The following CNTN3 variants were observed in gnomAD, a reference collection of about 807,000 sequenced individuals.
CNTN3 encodes contactin-3.
A neutral mutation model predicts 119.1 loss-of-function variants in CNTN3; 60 were observed. The observed-to-expected ratio is 0.50, with a 90% CI of 0.41 to 0.62. The LOEUF is 0.62. Among genes scored for constraint, CNTN3 ranks in the 20% least tolerant of loss-of-function variants. CNTN3 has a pLI of 0.00. For synonymous variants in CNTN3, 450 were observed against 438.7 expected (o/e 1.03, Z -0.32); for missense variants, 1,101 against 1,242.4 (o/e 0.89, Z 1.71).
intron 5 of CNTN3, among the ~76,000 whole-genome samples, chr3:74,409,240 C>T (rs977986623): frequency 5.3e-5 from 8 of 152,160 alleles, no homozygotes; most frequent in African/African-American, 1.9e-4. Context: ...CAATCATGAA[C>T]AGCCAAGCAC....
chr3:74,594,505 C>T (rs1247245011), intron 1 of CNTN3, among the ~76,000 whole-genome samples: 2 of 151,494 alleles, frequency 1.3e-5, no homozygotes, highest in Non-Finnish European at 2.9e-5. Context: ...CATATGTTCT[C>T]ATTGTTCAAT....
intron 6 of CNTN3, among the ~76,000 whole-genome samples, chr3:74,370,984 C>T (rs1412766149): frequency 6.6e-6 from 1 of 152,036 alleles, no homozygotes; most frequent in African/African-American, 2.4e-5. Flanking sequence ...GCACTGGTCC[C>T]TGCAAATTAT....
intron 5 of CNTN3, among the ~76,000 whole-genome samples, chr3:74,386,792 T>C (rs556193677): frequency 9.2e-5 from 14 of 152,310 alleles, no homozygotes; most frequent in African/African-American, 2.6e-4. Flanking sequence ...GCATAACAAA[T>C]GATGAGTGTT....
intron 17 of CNTN3, 50 bp from the exon 18 acceptor site, chr3:74,298,241 A>G (rs778275789): frequency 8.7e-7 from 1 of 1,146,146 alleles, no homozygotes; most frequent in Non-Finnish European, 1.2e-6. Flanking sequence ...GGGCAAGGCA[A>G]AAATGAATGC....
chr3:74,591,151 T>C (rs1032364239), intron 1 of CNTN3, among the ~76,000 whole-genome samples: 1 of 151,992 alleles, frequency 6.6e-6, no homozygotes, highest in Non-Finnish European at 1.5e-5. Flanking sequence ...CCCGTATTTC[T>C]ACTTTTATTA....
At chr3:74,439,131 T>C (rs1399978405) in intron 4 of CNTN3, among the ~76,000 whole-genome samples, 4 of 152,196 alleles carry the variant, frequency 2.6e-5, no homozygotes, top group Non-Finnish European at 5.9e-5. Flanking sequence ...TCAAAGATTA[T>C]TTTATGAACT....
chr3:74,556,388 A>G (rs1704069469), intron 1 of CNTN3, among the ~76,000 whole-genome samples: 1 of 152,178 alleles, frequency 6.6e-6, no homozygotes, highest in African/African-American at 2.4e-5. Context: ...TTTCATATAA[A>G]TGGAATCATA....
intron 2 of CNTN3, among the ~76,000 whole-genome samples, chr3:74,500,842 A>G (rs899384955): frequency 4.6e-5 from 7 of 152,234 alleles, no homozygotes; most frequent in African/African-American, 1.7e-4. Flanking sequence ...TGCATGCCCA[A>G]ATGTGTTCAT....
At chr3:74,520,468 T>C (rs1282969975) in intron 2 of CNTN3, among the ~76,000 whole-genome samples, 1 of 151,388 alleles carries the variant, frequency 6.6e-6, no homozygotes, top group East Asian at 1.9e-4. Context: ...TACTTATTTC[T>C]CCAGAAAATA....
rs528602851 is a variant in CNTN3 at position 74,594,902 on chromosome 3, C to T, written c.-81+19489G>A. On this transcript the variant is annotated intron_variant, in intron 1 of 22. Transcript: ENST00000263665. Reference sequence around the variant, plus strand: ...CTTCCACAATGGTTGAACTAGTTTACAGTCCCACCAACAGTGTCAAAGTGT... The same window carrying T: ...CTTCCACAATGGTTGAACTAGTTTATAGTCCCACCAACAGTGTCAAAGTGT... Among the ~76,000 whole-genome samples the T allele has an allele frequency of 7.2e-3, 1,098 of 152,106 alleles. 8 individuals carry two copies. The highest frequency in any genetic ancestry group is 8.9e-3 in the Non-Finnish European group (602 of 67,972).
chr3:74,395,585 T>A (rs1466315853), intron 5 of CNTN3, among the ~76,000 whole-genome samples: 1 of 152,230 alleles, frequency 6.6e-6, no homozygotes, highest in Non-Finnish European at 1.5e-5. Flanking sequence ...GTTATTTTAT[T>A]GCCCTGAGCC....
intron 1 of CNTN3, among the ~76,000 whole-genome samples, chr3:74,582,439 A>G (rs1359268483): frequency 1.3e-5 from 2 of 152,116 alleles, no homozygotes; most frequent in African/African-American, 4.8e-5. Context: ...TTAATAGACA[A>G]GCCACACTCT....
At position 74,336,532 on chromosome 3, in the gene CNTN3, C is replaced by T. The variant is rs201566317; in HGVS notation, c.1491G>A (p.Thr497=). Residue 497 remains threonine, a splice_region_variant and synonymous_variant, in exon 12 of 23, where the codon ACG becomes ACA. Coordinates refer to ENST00000263665, the MANE Select transcript of CNTN3 (RefSeq NM_020872.3). ...KANGTTHLVV[T]EPTRITLAPS... is the part of the protein sequence containing the mutation. ...GCAATATTTTAGAAATGGACCTACC[C>T]GTAACAACCAAATGTGTTGTGCCAT... The T allele has an allele frequency of 8.2e-5, 132 of 1,611,716 alleles. No individual in the cohort carries two copies. The African/African-American group carries it at 1.1e-3, about 14-fold the overall frequency.
intron 4 of CNTN3, among the ~76,000 whole-genome samples, chr3:74,448,896 T>C (rs1241564602): frequency 1.3e-5 from 2 of 152,124 alleles, no homozygotes; most frequent in Non-Finnish European, 2.9e-5. Flanking sequence ...AGGAAAAAGT[T>C]TGCCTCTTCT....
At chr3:74,522,466 T>A (rs772057857) in intron 1 of CNTN3, among the ~76,000 whole-genome samples, 2 of 151,882 alleles carry the variant, frequency 1.3e-5, no homozygotes, top group African/African-American at 2.4e-5. Context: ...TCAGTTTGGG[T>A]TCCACAACAC....
At chr3:74,269,804 G>C (rs1288249584) in intron 20 of CNTN3, among the ~76,000 whole-genome samples, 1 of 152,002 alleles carries the variant, frequency 6.6e-6, no homozygotes, top group Non-Finnish European at 1.5e-5. Context: ...GAGATATTCA[G>C]AATAGTCAAA....
chr3:74,349,434 G>A (rs541448356), intron 11 of CNTN3, among the ~76,000 whole-genome samples: 3 of 152,272 alleles, frequency 2.0e-5, no homozygotes, highest in African/African-American at 7.2e-5. Flanking sequence ...TGATATGTAA[G>A]GGTTTTCTAG....
chr3:74,484,680 C>A (rs555711156), intron 4 of CNTN3, among the ~76,000 whole-genome samples: 2 of 152,024 alleles, frequency 1.3e-5, no homozygotes, highest in South Asian at 4.2e-4. Flanking sequence ...CAATATACAA[C>A]CAAGCGAACC....
chr3:74,367,050 T>G (rs1704213252), intron 8 of CNTN3, among the ~76,000 whole-genome samples: 2 of 151,154 alleles, frequency 1.3e-5, no homozygotes, highest in Admixed American at 6.6e-5. Flanking sequence ...AATCCTGAAA[T>G]CATAACTGCC....
Sources: allele counts gnomAD v4.1 joint callset (sites outside exome capture counted in the v4.1 genomes callset), GRCh38; gene constraint gnomAD v4.1.1; transcripts MANE v1.5; gene names NCBI Gene and HGNC (gene_info 2026-07-23, HGNC 2026-07-21).